The following SPOCK1 variants were observed in gnomAD, a reference collection of about 807,000 sequenced individuals.
SPOCK1 encodes the protein testican-1.
A neutral mutation model predicts 55.3 loss-of-function variants in SPOCK1; 23 were observed. That is an observed-to-expected ratio of 0.42 (90% CI 0.30 to 0.59). The LOEUF (loss-of-function observed/expected upper bound fraction) is 0.59. Ranked by LOEUF, SPOCK1 falls within the 20% of genes least tolerant of loss-of-function variation. SPOCK1 has a pLI of 0.22. For synonymous variants in SPOCK1, 226 were observed against 221.0 expected, an observed-to-expected ratio of 1.02 and a Z score of -0.20; for missense variants, 499 against 552.5, an observed-to-expected ratio of 0.90 and a Z score of 0.97.
chr5:137,028,541 A>G (rs1377262452), intron 6 of SPOCK1, among the ~76,000 whole-genome samples: 2 of 152,122 alleles, frequency 1.3e-5, no homozygotes, highest in Non-Finnish European at 2.9e-5. Context: ...TGGGGATGTT[A>G]TCCCTGGGGG....
chr5:137,419,133 C>G (rs571214111), intron 2 of SPOCK1, among the ~76,000 whole-genome samples: 7 of 152,006 alleles, frequency 4.6e-5, no homozygotes, highest in Non-Finnish European at 8.8e-5. Context: ...TTATTTCTGA[C>G]GGCTCTGTTC....
chr5:137,094,146 T>G (rs1753099207), intron 5 of SPOCK1, among the ~76,000 whole-genome samples: 1 of 152,162 alleles, frequency 6.6e-6, no homozygotes, highest in African/African-American at 2.4e-5. Flanking sequence ...TCCAGAGATT[T>G]GGCCTGAGTC....
At chr5:137,132,554 T>C (rs985010416) in intron 4 of SPOCK1, among the ~76,000 whole-genome samples, 3 of 152,192 alleles carry the variant, frequency 2.0e-5, no homozygotes, top group African/African-American at 7.2e-5. Context: ...TAATGCCATT[T>C]TACTGGAAAT....
At chr5:137,122,202 C>T (rs1753698227) in intron 4 of SPOCK1, among the ~76,000 whole-genome samples, 1 of 151,090 alleles carries the variant, frequency 6.6e-6, no homozygotes, top group South Asian at 2.1e-4. Flanking sequence ...AGTTGTTGAA[C>T]AAGCAAGGCC....
intron 2 of SPOCK1, among the ~76,000 whole-genome samples, chr5:137,359,502 G>A (rs1363668812): frequency 6.6e-6 from 1 of 152,128 alleles, no homozygotes; most frequent in Admixed American, 6.5e-5. Context: ...GAGTATCTAC[G>A]ACAGGGCAGA....
chr5:137,498,682 G>A (rs1230044054), intron 1 of SPOCK1, 124 bp from the exon 2 acceptor site: 2 of 754,558 alleles, frequency 2.7e-6, no homozygotes, highest in Non-Finnish European at 3.4e-6. Context: ...GGCAGCGCTC[G>A]CGCACCTGGG....
intron 4 of SPOCK1, among the ~76,000 whole-genome samples, chr5:137,115,278 C>T (rs1473404861): frequency 6.6e-6 from 1 of 152,040 alleles, no homozygotes; most frequent in African/African-American, 2.4e-5. Flanking sequence ...CACCTTAAAA[C>T]TACTCTACTT....
intron 2 of SPOCK1, among the ~76,000 whole-genome samples, chr5:137,349,488 G>T (rs1220494325): frequency 6.6e-6 from 1 of 152,198 alleles, no homozygotes; most frequent in Non-Finnish European, 1.5e-5. Flanking sequence ...CAGCATAGAT[G>T]GTATAGGGGA....
chr5:137,225,722 A>T (rs1352801362), intron 3 of SPOCK1, among the ~76,000 whole-genome samples: 1 of 152,228 alleles, frequency 6.6e-6, no homozygotes, highest in Admixed American at 6.5e-5. Flanking sequence ...AGAAGTACTG[A>T]TTCAGCATGT....
intron 6 of SPOCK1, among the ~76,000 whole-genome samples, chr5:137,063,245 A>G (rs1752430421): frequency 6.6e-6 from 1 of 151,200 alleles, no homozygotes; most frequent in Admixed American, 6.6e-5. Flanking sequence ...ATCTCAAAAA[A>G]AAAAAAAAAA....
intron 2 of SPOCK1, among the ~76,000 whole-genome samples, chr5:137,430,384 G>T (rs1042945538): frequency 1.3e-5 from 2 of 152,136 alleles, no homozygotes; most frequent in Non-Finnish European, 2.9e-5. Flanking sequence ...AGGACAGCTG[G>T]GTGTCCTGGA....
chr5:136,980,517 G>A (rs1469722606), intron 9 of SPOCK1, among the ~76,000 whole-genome samples: 4 of 152,140 alleles, frequency 2.6e-5, no homozygotes, highest in African/African-American at 9.7e-5. Flanking sequence ...ATTGAATCAT[G>A]GGGGCGAGTT....
intron 5 of SPOCK1, among the ~76,000 whole-genome samples, chr5:137,104,420 G>T (rs1008251238): frequency 6.6e-6 from 1 of 152,048 alleles, no homozygotes; most frequent in East Asian, 1.9e-4. Flanking sequence ...CCAGTCTCAG[G>T]TATTTCTTTA....
chr5:137,069,631 A>G (rs1468439775), intron 5 of SPOCK1, among the ~76,000 whole-genome samples: 2 of 152,140 alleles, frequency 1.3e-5, no homozygotes, highest in Admixed American at 1.3e-4. Context: ...GCAGGTCACT[A>G]GCATGAGGAG....
chr5:137,308,291 G>T (rs1456725676), intron 2 of SPOCK1, among the ~76,000 whole-genome samples: 1 of 152,190 alleles, frequency 6.6e-6, no homozygotes, highest in Non-Finnish European at 1.5e-5. Context: ...CTGCCTATTT[G>T]ATCTCAGAAC....
chr5:137,296,971 CAAG>C (rs562324230), intron 2 of SPOCK1, among the ~76,000 whole-genome samples: 177 of 152,244 alleles, frequency 1.2e-3, no homozygotes, highest in African/African-American at 4.0e-3. Context: ...GAGTGCACCT[CAAG>C]AAGGACAGAC....
intron 2 of SPOCK1, among the ~76,000 whole-genome samples, chr5:137,475,004 A>T (rs1288639412): frequency 6.6e-6 from 1 of 152,184 alleles, no homozygotes; most frequent in Non-Finnish European, 1.5e-5. Context: ...CTCACTGATT[A>T]TTTATTGGAT....
intron 2 of SPOCK1, among the ~76,000 whole-genome samples, chr5:137,487,129 T>A (rs564503372): frequency 3.9e-5 from 6 of 152,282 alleles, no homozygotes; most frequent in South Asian, 4.1e-4. Context: ...CAATTTTTTT[T>A]AATCAATTTT....
chr5:137,239,133 A>G (rs759780123), intron 3 of SPOCK1, among the ~76,000 whole-genome samples: 2 of 152,198 alleles, frequency 1.3e-5, no homozygotes, highest in Non-Finnish European at 2.9e-5. Flanking sequence ...GGGAGAGGAG[A>G]GGGGCTAGAG....
Sources: gnomAD v4.1 joint callset for allele counts (sites outside exome capture counted in the v4.1 genomes callset) on GRCh38, gnomAD v4.1.1 for gene constraint, MANE v1.5 for transcripts, NCBI Gene and HGNC (gene_info 2026-07-23, HGNC 2026-07-21) for gene names.